Variants in ANKRD39 observed in about 807,000 individuals in gnomAD.
The protein encoded by ANKRD39 is ankyrin repeat domain 39.
In ANKRD39, 18 loss-of-function variants were observed where a neutral mutation model predicts 20.3. That is an observed-to-expected ratio of 0.89 (90% CI 0.61 to 1.32). The LOEUF is 1.32. Ranked by LOEUF, ANKRD39 falls within the 40% of genes most tolerant of loss-of-function variation. The pLI is 0.00. For missense variants in ANKRD39, 243 were observed against 250.7 expected (o/e 0.97, Z 0.21); for synonymous variants, 106 against 111.9 (o/e 0.95, Z 0.33).
chr2:96,852,810 G>C (rs576634468), intron 3 of ANKRD39, among the ~76,000 whole-genome samples: 1 of 152,144 alleles, frequency 6.6e-6, no homozygotes, highest in South Asian at 2.1e-4. Flanking sequence ...GCTCACACCC[G>C]TAATCTCAGC....
At chr2:96,852,672 G>A (rs2079844260) in intron 3 of ANKRD39, among the ~76,000 whole-genome samples, 1 of 152,084 alleles carries the variant, frequency 6.6e-6, no homozygotes. Flanking sequence ...GAAAATCAAA[G>A]AAGGGGCAAG....
intron 3 of ANKRD39, 37 bp from the exon 4 acceptor site, chr2:96,848,481 C>G: frequency 6.2e-7 from 1 of 1,610,956 alleles, no homozygotes. Context: ...GGGCATACCC[C>G]CCCACTGGGC....
chr2:96,857,901 C>A lies in ANKRD39; in HGVS notation c.87G>T (p.Met29Ile), dbSNP rs1375455722. 6.3e-6 allele frequency: 10 copies of A among 1,583,036 alleles called. No individual in the cohort carries two copies. Among genetic ancestry groups the A allele is most frequent in the East Asian group, 2.3e-5 (1 of 43,966 alleles). ...CGGCAGCCTCACCCCTCTCGAAGTC[C>A]ATCTCCTCCAGCGTCTGCTGTACGC... ...VLGVQQTLEE[M>I]DFERGIWSAA... The change falls in exon 1 of 4, where the codon ATG (methionine) becomes ATT (isoleucine). Residue 29 changes from methionine to isoleucine, a missense_variant. Transcript: ENST00000393537.
At chr2:96,857,517 C>A (rs907549460) in intron 1 of ANKRD39, among the ~76,000 whole-genome samples, 9 of 152,274 alleles carry the variant, frequency 5.9e-5, no homozygotes, top group Non-Finnish European at 1.0e-4. Flanking sequence ...CCCAGGCCTG[C>A]AGCTCCATGC....
Position 96,858,016 on chromosome 2 carries a change from C to T in ANKRD39, c.-29G>A, listed in dbSNP as rs768226230. 14 of 1,506,782 alleles carry T rather than the reference C, an allele frequency of 9.3e-6. No homozygotes were observed. The highest frequency in any genetic ancestry group is 1.2e-5 in the Non-Finnish European group (14 of 1,132,066). 93.3% of individuals were successfully genotyped at this position (1,506,782 alleles called of 1,614,324 possible). On this transcript the variant is annotated 5_prime_UTR_variant, in exon 1 of 4. Coordinates refer to ENST00000393537, the MANE Select transcript of ANKRD39 (RefSeq NM_016466.6). Reference sequence around the variant, plus strand: ...GGCCCCGGCGTCAGTCGATCCGCCCCGGGTCTCAGGCTCAGCCTCGGCGGG... The same window carrying T: ...GGCCCCGGCGTCAGTCGATCCGCCCTGGGTCTCAGGCTCAGCCTCGGCGGG...
intron 1 of ANKRD39, among the ~76,000 whole-genome samples, chr2:96,857,627 C>A (rs1466749989): frequency 6.6e-6 from 1 of 152,274 alleles, no homozygotes; most frequent in Non-Finnish European, 1.5e-5. Context: ...GGTCGTCCCC[C>A]GCTACTCGGG....
chr2:96,854,377 C>T lies in ANKRD39; in HGVS notation c.165G>A (p.Glu55=). 1 of 1,614,124 alleles carries T rather than the reference C, an allele frequency of 6.2e-7. No individual in the cohort carries two copies. The highest frequency in any genetic ancestry group is 8.5e-7 in the Non-Finnish European group (1 of 1,180,016). The stretch of plus-strand genomic sequence containing the variant: ...CGGCCGAGTCGGGCTGACTTGGGTC[C>T]TCGGCCTTCTGGATTAAATGCTTCA... ...GRVKHLIQKA[E]DPSQPDSAGY... The change falls in exon 2 of 4, where the codon GAG becomes GAA. Residue 55 remains glutamate (E), a synonymous_variant. Coordinates refer to ENST00000393537, the MANE Select transcript of ANKRD39 (RefSeq NM_016466.6).
At position 96,853,458 on chromosome 2, in the gene ANKRD39, T is replaced by C. The variant is rs1436413911; in HGVS notation, c.351A>G (p.Leu117=). 1 of 1,598,866 alleles carries C rather than the reference T, an allele frequency of 6.3e-7. No homozygotes were observed. Among genetic ancestry groups the C allele is most frequent in the Non-Finnish European group, 8.5e-7 (1 of 1,172,914 alleles). The change falls in exon 3 of 4, where the codon CTA becomes CTG. Residue 117 remains leucine, a synonymous_variant. Transcript: ENST00000393537. The part of the protein sequence containing the change: ...CGHTEIARLL[L]SHGSNPRVVD... Reference sequence around the variant, plus strand: ...CCACCCTGGGGTTGGACCCATGTGATAGCAGGAGCCGCGCGATTTCAGTGT... The same window carrying C: ...CCACCCTGGGGTTGGACCCATGTGACAGCAGGAGCCGCGCGATTTCAGTGT...
At chr2:96,852,766 G>A (rs2079844695) in intron 3 of ANKRD39, among the ~76,000 whole-genome samples, 1 of 152,154 alleles carries the variant, frequency 6.6e-6, no homozygotes, top group Non-Finnish European at 1.5e-5. Context: ...TCTCAAAGGT[G>A]CCTGCAAACT....
chr2:96,848,180 G>A lies in ANKRD39; in HGVS notation c.*121C>T. The A allele has an allele frequency of 1.4e-6, 2 of 1,384,094 alleles. No homozygotes were observed. The highest frequency in any genetic ancestry group is 2.0e-6 in the Non-Finnish European group (2 of 1,011,412). 85.7% of individuals were successfully genotyped at this position (1,384,094 alleles called of 1,614,324 possible). On this transcript the variant is annotated 3_prime_UTR_variant, in exon 4 of 4. Transcript: ENST00000393537. Reference sequence around the variant, plus strand: ...CCTCGCTTCCACAGTGACCAGACTGGGGCTCTTCCTGGGTGGTCTGGCCTC... The same window carrying A: ...CCTCGCTTCCACAGTGACCAGACTGAGGCTCTTCCTGGGTGGTCTGGCCTC...
intron 1 of ANKRD39, among the ~76,000 whole-genome samples, chr2:96,856,468 C>CAAA (rs56306893): frequency 2.8e-5 from 2 of 70,656 alleles, no homozygotes; most frequent in African/African-American, 8.8e-5. Flanking sequence ...GACTCCATCT[C>CAAA]AAAAAAAAAA....
At chr2:96,854,063 G>T (rs947773560) in intron 2 of ANKRD39, among the ~76,000 whole-genome samples, 1 of 152,192 alleles carries the variant, frequency 6.6e-6, no homozygotes, top group Admixed American at 6.5e-5. Context: ...GGAGGCGGAG[G>T]TTGCAGTGAG....
chr2:96,856,067 A>T (rs1173245161), intron 1 of ANKRD39, among the ~76,000 whole-genome samples: 1 of 152,266 alleles, frequency 6.6e-6, no homozygotes, highest in African/African-American at 2.4e-5. Flanking sequence ...TTTATTTGTG[A>T]CAACAGTAGC....
At position 96,853,588 on chromosome 2, in the gene ANKRD39, T is replaced by A. The variant is rs750121375; in HGVS notation, c.221A>T (p.Asn74Ile). ...GYTALHYASR[N>I]GHYAVCQFLL... ...GAACTGGCACACAGCGTAGTGCCCA[T>A]TGCGGCTGGCATAGTGCTGCAGGGA... Residue 74 changes from asparagine (N) to isoleucine (I), a missense_variant, in exon 3 of 4, where the codon AAT (asparagine) becomes ATT (isoleucine). Transcript: ENST00000393537. The A allele has an allele frequency of 9.9e-6, 16 of 1,612,098 alleles. No homozygotes were observed. The highest frequency in any genetic ancestry group is 1.3e-5 in the Non-Finnish European group (15 of 1,179,912).
intron 3 of ANKRD39, among the ~76,000 whole-genome samples, chr2:96,849,101 C>A (rs538002483): frequency 6.6e-6 from 1 of 152,160 alleles, no homozygotes; most frequent in Non-Finnish European, 1.5e-5. Context: ...GCACCAGACA[C>A]GGCCCCTACC....
At chr2:96,855,099 G>A (rs1388717960) in intron 1 of ANKRD39, among the ~76,000 whole-genome samples, 1 of 152,174 alleles carries the variant, frequency 6.6e-6, no homozygotes, top group East Asian at 1.9e-4. Context: ...GGGGAGTTCG[G>A]GGAGTTCAGG....
At position 96,856,312 on chromosome 2, in the gene ANKRD39, A is replaced by G. The variant is rs577656871; in HGVS notation, c.100+1576T>C. Among the ~76,000 whole-genome samples the G allele has an allele frequency of 7.9e-5, 12 of 151,994 alleles. No individual in the cohort carries two copies. The East Asian group carries it at 1.7e-3, about 22-fold the overall frequency. Reference sequence around the variant, plus strand: ...ATATGGTGAAACCCCGGTCTCTACTAAAAATACAAAAACTAGCCGGGCGTC... The same window carrying G: ...ATATGGTGAAACCCCGGTCTCTACTGAAAATACAAAAACTAGCCGGGCGTC... On this transcript the variant is annotated intron_variant, in intron 1 of 3. Coordinates refer to ENST00000393537, the MANE Select transcript of ANKRD39 (RefSeq NM_016466.6).
chr2:96,852,406 AAGAGAAG>A (rs2079842394), intron 3 of ANKRD39, among the ~76,000 whole-genome samples: 1 of 149,202 alleles, frequency 6.7e-6, no homozygotes, highest in Non-Finnish European at 1.5e-5. Flanking sequence ...AAAAAAAAAA[AAGAGAAG>A]AAAAAAGAAA....
In ANKRD39 at chr2:96,853,487, C is replaced by T. The variant is rs151210245; in HGVS notation, c.322G>A (p.Gly108Arg). 8.1e-6 allele frequency: 13 copies of T among 1,611,456 alleles called. No individual in the cohort carries two copies. Among genetic ancestry groups the T allele is most frequent in the African/African-American group, 2.7e-5 (2 of 74,856 alleles). Residue 108 changes from glycine to arginine, a missense_variant, in exon 3 of 4, where the codon GGG becomes AGG. Coordinates refer to ENST00000393537, the MANE Select transcript of ANKRD39 (RefSeq NM_016466.6). Reference protein sequence around the residue: ...ATALHRASYCGHTEIARLLLS... With the variant: ...ATALHRASYCRHTEIARLLLS... ...AGGAGCCGCGCGATTTCAGTGTGCC[C>T]GCAGTAGCTGGCTCGGTGCAGAGCA...
Sources: gnomAD v4.1 joint callset for allele counts (sites outside exome capture counted in the v4.1 genomes callset) on GRCh38, gnomAD v4.1.1 for gene constraint, MANE v1.5 for transcripts, NCBI Gene and HGNC (gene_info 2026-07-23, HGNC 2026-07-21) for gene names.